Variants in NCOA7 observed in about 807,000 individuals in gnomAD.
NCOA7 encodes 140 kDa estrogen receptor-associated protein.
A neutral mutation model predicts 104.3 loss-of-function variants in NCOA7; 45 were observed. The ratio of observed to expected loss-of-function variants is 0.43; its 90% CI spans 0.34 to 0.55. NCOA7 has a LOEUF of 0.55. Among genes scored for constraint, NCOA7 ranks in the 20% least tolerant of loss-of-function variants. The probability of loss-of-function intolerance (pLI) is 0.02; values close to 1 mark genes in which losing one functional copy is unlikely to be tolerated. For missense variants in NCOA7, 1,041 were observed against 1,119.7 expected (o/e 0.93, Z 1.00); for synonymous variants, 398 against 402.3 (o/e 0.99, Z 0.13).
intron 11 of NCOA7, chr6:125,919,280 TA>T (rs1787355195): frequency 1.2e-6 from 2 of 1,612,064 alleles, no homozygotes; most frequent in Non-Finnish European, 8.5e-7. Flanking sequence ...TGGCTACAAG[TA>T]ACTGTGGTGT....
intron 10 of NCOA7, among the ~76,000 whole-genome samples, chr6:125,897,943 T>C (rs1298275087): frequency 1.3e-5 from 2 of 152,224 alleles, no homozygotes; most frequent in Non-Finnish European, 2.9e-5. Flanking sequence ...CCTCCCGAAG[T>C]GCTGGGATTA....
Position 125,890,797 on chromosome 6 carries a change from G to T in NCOA7, c.2083G>T (p.Val695Phe). The change falls in exon 10 of 16, where the codon GTT becomes TTT. Residue 695 changes from valine to phenylalanine, a missense_variant. This residue lies in a region of NCOA7 where 914 missense variants were observed against 942.7 expected (regional missense o/e 0.97). Transcript: ENST00000392477. Reference sequence around the variant, plus strand: ...AAAGCAGCCAGAGTACTGGTTTGCTGTTCCTCGGGAGAGGTGAGTATGGGC... The same window carrying T: ...AAAGCAGCCAGAGTACTGGTTTGCTTTTCCTCGGGAGAGGTGAGTATGGGC... ...RRKQPEYWFAVPRERVDHLYT... is the reference protein window; with the variant it reads ...RRKQPEYWFAFPRERVDHLYT... 1 of 1,608,352 alleles carries T rather than the reference G, an allele frequency of 6.2e-7. No individual in the cohort carries two copies. The highest frequency in any genetic ancestry group is 8.5e-7 in the Non-Finnish European group (1 of 1,177,632).
chr6:125,824,268 A>G (rs1778458337), intron 2 of NCOA7, among the ~76,000 whole-genome samples: 1 of 152,192 alleles, frequency 6.6e-6, no homozygotes, highest in African/African-American at 2.4e-5. Flanking sequence ...GGTCATTCCA[A>G]ATCCTGGTTC....
chr6:125,881,136 TATC>T lies in NCOA7; in HGVS notation c.513_515del (p.Ser173del). The T allele has an allele frequency of 6.2e-7, 1 of 1,614,038 alleles. No homozygotes were observed. The highest frequency in any genetic ancestry group is 1.1e-5 in the South Asian group (1 of 91,084). ...AACTCTCCTTCCAGTACCTTAAGGC[TATC>T]ATCATCCAGTCCTGGTGCTACTGTC... On this transcript the variant is annotated inframe_deletion, in exon 6 of 16. Coordinates refer to ENST00000392477, the MANE Select transcript of NCOA7 (RefSeq NM_181782.5).
intron 2 of NCOA7, 57 bp downstream of exon 2, chr6:125,815,461 C>G (rs1297548942): frequency 7.1e-7 from 1 of 1,411,704 alleles, no homozygotes; most frequent in African/African-American, 1.4e-5. Flanking sequence ...TTTGAGGGGA[C>G]TTTGTCCTCA....
chr6:125,839,068 A>AT (rs1779879512), intron 2 of NCOA7, among the ~76,000 whole-genome samples: 2 of 152,066 alleles, frequency 1.3e-5, no homozygotes, highest in South Asian at 4.1e-4. Context: ...TTGGAGGTTC[A>AT]TTACCTATGC....
At chr6:125,911,661 C>G (rs1786565199) in intron 10 of NCOA7, among the ~76,000 whole-genome samples, 1 of 152,192 alleles carries the variant, frequency 6.6e-6, no homozygotes, top group African/African-American at 2.4e-5. Flanking sequence ...ATACTCCTGC[C>G]TAATTATTAG....
chr6:125,907,452 G>A (rs1786124272), intron 10 of NCOA7, among the ~76,000 whole-genome samples: 1 of 152,160 alleles, frequency 6.6e-6, no homozygotes, highest in African/African-American at 2.4e-5. Context: ...GTGGTGCTGT[G>A]AGTCCCTCAT....
At chr6:125,828,112 C>T (rs1188513445) in intron 2 of NCOA7, among the ~76,000 whole-genome samples, 1 of 152,146 alleles carries the variant, frequency 6.6e-6, no homozygotes, top group Non-Finnish European at 1.5e-5. Context: ...GAAAGGATGA[C>T]ATCATATAGG....
intron 3 of NCOA7, among the ~76,000 whole-genome samples, chr6:125,873,259 A>C (rs752481645): frequency 6.6e-6 from 1 of 152,084 alleles, no homozygotes; most frequent in Non-Finnish European, 1.5e-5. Context: ...GCTTCTTGTC[A>C]TTTATCATTC....
chr6:125,830,733 A>ATTTGTG, intron 2 of NCOA7, among the ~76,000 whole-genome samples: 1 of 111,852 alleles, frequency 8.9e-6, no homozygotes, highest in East Asian at 3.0e-4. Context: ...ATATATATAT[A>ATTTGTG]TATATGTGTG....
intron 13 of NCOA7, among the ~76,000 whole-genome samples, chr6:125,923,343 A>G (rs1787752784): frequency 6.6e-6 from 1 of 152,170 alleles, no homozygotes; most frequent in South Asian, 2.1e-4. Context: ...TTAAGAAACC[A>G]CAGAGAATAC....
In NCOA7 at chr6:125,832,949, T is replaced by A. The variant is rs531122651; in HGVS notation, c.50+17545T>A. On this transcript the variant is annotated intron_variant, in intron 2 of 15. Coordinates refer to ENST00000392477, the MANE Select transcript of NCOA7 (RefSeq NM_181782.5). ...TCCAGACCTCCTTTCTCCCCTGCCATGTGTTCTGCCCACCAAATCGTTTCA... is the reference window on the plus strand; with the variant it reads ...TCCAGACCTCCTTTCTCCCCTGCCAAGTGTTCTGCCCACCAAATCGTTTCA... 2.6e-5 allele frequency among the ~76,000 whole-genome samples: 4 copies of A among 152,348 alleles called. No individual in the cohort carries two copies. In the South Asian group the frequency reaches 8.3e-4, roughly 32 times the overall value.
At chr6:125,788,554 T>TTTTTA (rs1774576400), upstream of NCOA7, among the ~76,000 whole-genome samples, 1 of 151,660 alleles carries the variant, frequency 6.6e-6, no homozygotes, top group Non-Finnish European at 1.5e-5. Context: ...TTTTTTTTTT[T>TTTTTA]GAGATGGAGT....
intron 2 of NCOA7, among the ~76,000 whole-genome samples, chr6:125,838,816 G>A (rs1310692015): frequency 6.6e-6 from 1 of 152,132 alleles, no homozygotes; most frequent in African/African-American, 2.4e-5. Context: ...GAACTGCGCA[G>A]GGGACTCAGG....
chr6:125,812,691 A>G (rs1419116518), intron 1 of NCOA7, among the ~76,000 whole-genome samples: 1 of 152,022 alleles, frequency 6.6e-6, no homozygotes, highest in Non-Finnish European at 1.5e-5. Context: ...CTCCAACTCC[A>G]CTATCCCATA....
intron 2 of NCOA7, among the ~76,000 whole-genome samples, chr6:125,832,426 T>G (rs961318167): frequency 6.6e-6 from 1 of 152,190 alleles, no homozygotes; most frequent in African/African-American, 2.4e-5. Flanking sequence ...TTTTAACTAC[T>G]TAAGGGATGA....
intron 10 of NCOA7, chr6:125,900,121 CCTT>C (rs1785371980): frequency 2.1e-6 from 1 of 481,088 alleles, no homozygotes; most frequent in Non-Finnish European, 4.4e-6. Context: ...TTATAGAGCT[CCTT>C]CTCTACCAGT....
At chr6:125,798,238 TAGAA>T (rs1485488374) in intron 1 of NCOA7, 1 of 152,226 alleles carries the variant, frequency 6.6e-6, no homozygotes, top group Non-Finnish European at 1.5e-5. Flanking sequence ...ACTGATATAG[TAGAA>T]AGGTTAAAAG....
Sources: gnomAD v4.1 joint callset for allele counts (sites outside exome capture counted in the v4.1 genomes callset) on GRCh38, gnomAD v4.1.1 for gene constraint, gnomAD v4.1.1 regional missense constraint, MANE v1.5 for transcripts, NCBI Gene and HGNC (gene_info 2026-07-23, HGNC 2026-07-21) for gene names.